Variants in PRIM2 observed in about 807,000 individuals in gnomAD.
PRIM2 encodes the protein DNA primase large subunit.
A neutral mutation model predicts 67.3 loss-of-function variants in PRIM2; 39 were observed. The ratio of observed to expected loss-of-function variants is 0.58; its 90% confidence interval spans 0.45 to 0.76. The LOEUF is 0.76. PRIM2 is among the 30% of genes least tolerant of loss of function. PRIM2 has a pLI of 0.00. For missense variants in PRIM2, 398 were observed against 598.7 expected (o/e 0.66, Z 3.50); for synonymous variants, 143 against 198.7 (o/e 0.72, Z 2.36).
the PRIM2 span, among the ~76,000 whole-genome samples, chr6:57,280,654 C>T: frequency 6.6e-6 from 1 of 152,072 alleles, no homozygotes; most frequent in Admixed American, 6.6e-5. Flanking sequence ...GGATTACAGG[C>T]GTGTGCTACC....
intron 5 of PRIM2, among the ~76,000 whole-genome samples, chr6:57,357,056 C>T (rs1769052164): frequency 6.6e-6 from 1 of 151,784 alleles, no homozygotes; most frequent in African/African-American, 2.4e-5. Flanking sequence ...GCCTCAGCCT[C>T]CCAAGTAGCT....
chr6:57,368,738 A>G (rs1473974380), intron 5 of PRIM2, among the ~76,000 whole-genome samples: 3 of 152,244 alleles, frequency 2.0e-5, no homozygotes, highest in African/African-American at 7.2e-5. Flanking sequence ...ATGTGCTGAA[A>G]AAACTTCATT....
the PRIM2 span, among the ~76,000 whole-genome samples, chr6:57,251,636 G>C: frequency 6.6e-6 from 1 of 152,252 alleles, no homozygotes; most frequent in East Asian, 1.9e-4. Context: ...CATTCTTGTG[G>C]GTTGGGGCCA....
intron 7 of PRIM2, among the ~76,000 whole-genome samples, chr6:57,431,647 T>TA (rs375204842): frequency 4.9e-4 from 73 of 147,966 alleles, no homozygotes; most frequent in East Asian, 4.1e-3. Flanking sequence ...ACCCTGCCTT[T>TA]AAAAAAAAAA....
chr6:57,441,024 C>T (rs1570080), intron 7 of PRIM2, among the ~76,000 whole-genome samples: 145,894 of 152,256 alleles, frequency 0.96, 69,958 homozygotes, highest in East Asian at 1. Context: ...AGCTATTGAA[C>T]TATAGGTTAC....
rs1554348051 is a variant in PRIM2 at position 57,514,736 on chromosome 6, G to A, written c.761+7282G>A. Among the ~76,000 whole-genome samples, 6 of 152,128 alleles carry A rather than the reference G, an allele frequency of 3.9e-5. No individual in the cohort carries two copies. In the South Asian group the frequency reaches 8.3e-4, roughly 21 times the overall value. On this transcript the variant is annotated intron_variant, in intron 8 of 13. Transcript: ENST00000615550. ...GTCAGCATTTTGTTAGAATCAGCCC[G>A]TTGTGTTAAGGGCACTATAATTGGT...
intron 10 of PRIM2, among the ~76,000 whole-genome samples, chr6:57,562,593 T>C (rs1454738959): frequency 2.0e-5 from 3 of 152,206 alleles, no homozygotes; most frequent in South Asian, 2.1e-4. Context: ...CTATAGATGA[T>C]CTATGTTCTA....
the PRIM2 span, among the ~76,000 whole-genome samples, chr6:57,236,038 T>C: frequency 6.6e-6 from 1 of 152,200 alleles, no homozygotes; most frequent in Non-Finnish European, 1.5e-5. Flanking sequence ...AATGAAAAAG[T>C]AATTAATTTG....
At chr6:57,332,748 T>G (rs1035486589) in intron 5 of PRIM2, among the ~76,000 whole-genome samples, 3 of 152,132 alleles carry the variant, frequency 2.0e-5, no homozygotes, top group African/African-American at 7.2e-5. Flanking sequence ...TTTCATCCTT[T>G]ATGTGTGTTT....
At chr6:57,268,141 G>A in the PRIM2 span, among the ~76,000 whole-genome samples, 285 of 152,232 alleles carry the variant, frequency 1.9e-3, no homozygotes, top group Non-Finnish European at 3.2e-3. Flanking sequence ...TATGAGTTAC[G>A]TAGTTGTTAC....
chr6:57,240,501 C>G, the PRIM2 span, among the ~76,000 whole-genome samples: 1 of 151,874 alleles, frequency 6.6e-6, no homozygotes, highest in Admixed American at 6.6e-5. Context: ...TGGGAAGCTA[C>G]GGGGGAAGAT....
chr6:57,366,519 C>A (rs1769363558), intron 5 of PRIM2, among the ~76,000 whole-genome samples: 1 of 152,044 alleles, frequency 6.6e-6, no homozygotes, highest in South Asian at 2.1e-4. Context: ...TGGGAGTGGG[C>A]TGCAGAAGTG....
chr6:57,641,871 C>G (rs1198226994), intron 13 of PRIM2, among the ~76,000 whole-genome samples: 2 of 152,172 alleles, frequency 1.3e-5, no homozygotes, highest in African/African-American at 4.8e-5. Flanking sequence ...ACCCAGCAAT[C>G]CCATTACTGG....
At chr6:57,324,477 G>A (rs560866654) in intron 4 of PRIM2, among the ~76,000 whole-genome samples, 197 bp downstream of exon 4, 1 of 152,186 alleles carries the variant, frequency 6.6e-6, no homozygotes, top group African/African-American at 2.4e-5. Flanking sequence ...AAATTCTATC[G>A]CAGAATTTTG....
intron 7 of PRIM2, among the ~76,000 whole-genome samples, chr6:57,418,383 G>GTTTTTTTTTTTTT (rs34491627): frequency 2.5e-4 from 12 of 47,222 alleles, no homozygotes; most frequent in East Asian, 5.3e-4. Context: ...TATGTGTGTG[G>GTTTTTTTTTTTTT]TTTTTTTTTT....
intron 5 of PRIM2, among the ~76,000 whole-genome samples, chr6:57,369,719 G>C (rs1045589305): frequency 6.6e-6 from 1 of 152,200 alleles, no homozygotes; most frequent in African/African-American, 2.4e-5. Context: ...ACTACACCTT[G>C]ATTATAAGAT....
At chr6:57,604,367 G>T (rs1230448166) in intron 11 of PRIM2, among the ~76,000 whole-genome samples, 1 of 152,210 alleles carries the variant, frequency 6.6e-6, no homozygotes, top group Admixed American at 6.5e-5. Context: ...AGACTTTTTG[G>T]TGCATTCTTT....
chr6:57,584,882 A>T (rs1776160831), intron 10 of PRIM2, among the ~76,000 whole-genome samples: 1 of 152,244 alleles, frequency 6.6e-6, no homozygotes, highest in African/African-American at 2.4e-5. Flanking sequence ...TGCCTAACAT[A>T]ATTCAGCTAG....
At chr6:57,269,805 G>A in the PRIM2 span, among the ~76,000 whole-genome samples, 87 of 152,150 alleles carry the variant, frequency 5.7e-4, no homozygotes, top group Non-Finnish European at 9.3e-4. Flanking sequence ...ATTAATTTTT[G>A]TATAAGATGT....
Sources: gnomAD v4.1 joint callset for allele counts (sites outside exome capture counted in the v4.1 genomes callset) on GRCh38, gnomAD v4.1.1 for gene constraint, MANE v1.5 for transcripts, NCBI Gene and HGNC (gene_info 2026-07-23, HGNC 2026-07-21) for gene names.